Variants in MCM4 observed in about 807,000 individuals in gnomAD.
MCM4 encodes the protein DNA replication licensing factor MCM4.
A neutral mutation model predicts 88.7 loss-of-function variants in MCM4; 60 were observed. The ratio of observed to expected loss-of-function variants is 0.68; its 90% CI spans 0.55 to 0.84. The LOEUF (loss-of-function observed/expected upper bound fraction) is 0.84. Ranked by LOEUF, MCM4 falls within the 40% of genes least tolerant of loss-of-function variation. The pLI is 0.00. For missense variants in MCM4, 1,149 were observed against 1,105.5 expected, an observed-to-expected ratio of 1.04 and a Z score of -0.56; for synonymous variants, 465 against 410.5, an observed-to-expected ratio of 1.13 and a Z score of -1.61.
intron 15 of MCM4, 99 bp downstream of exon 15, chr8:47,975,061 CAG>C (rs2090989814): frequency 1.0e-6 from 1 of 997,458 alleles, no homozygotes; most frequent in African/African-American, 1.6e-5. Context: ...TCATTTGAAA[CAG>C]AAGTTCTTAA....
intron 12 of MCM4, 73 bp from the exon 13 acceptor site, chr8:47,971,268 G>A: frequency 1.3e-6 from 2 of 1,578,460 alleles, no homozygotes; most frequent in South Asian, 2.2e-5. Context: ...TTAGTAGGTG[G>A]CCGGGCGAAG....
In MCM4 at chr8:47,970,817, G is replaced by C. The variant is rs769946533; in HGVS notation, c.1741G>C (p.Glu581Gln). Residue 581 changes from glutamate (E) to glutamine (Q), a missense_variant, in exon 12 of 17, where the codon GAA becomes CAA. By Grantham distance (29) the Glu-to-Gln change is conservative. Coordinates refer to ENST00000649973, the MANE Select transcript of MCM4 (RefSeq NM_182746.3). ...CCIDEFDKMNESTRSVLHEVM... is the reference protein window; with the variant it reads ...CCIDEFDKMNQSTRSVLHEVM... Reference sequence around the variant, plus strand: ...TATCGATGAGTTCGACAAGATGAATGAAAGTACAAGATCGGTATTGCATGA... The same window carrying C: ...TATCGATGAGTTCGACAAGATGAATCAAAGTACAAGATCGGTATTGCATGA... The C allele has an allele frequency of 1.9e-6, 3 of 1,613,448 alleles. No individual in the cohort carries two copies. The highest frequency in any genetic ancestry group is 1.7e-5 in the Admixed American group (1 of 60,008).
rs746611048 is a variant in MCM4 at position 47,962,304 on chromosome 8, G to GGCA, written c.407_409dup (p.Ala136dup). The GGCA allele has an allele frequency of 3.7e-6, 6 of 1,614,036 alleles. No homozygotes were observed. The highest frequency in any genetic ancestry group is 5.1e-6 in the Non-Finnish European group (6 of 1,180,034). On this transcript the variant is annotated inframe_insertion and splice_region_variant. Coordinates refer to ENST00000649973, the MANE Select transcript of MCM4 (RefSeq NM_182746.3). The stretch of plus-strand genomic sequence containing the variant: ...TGATTCTGTCATGTTTTTCTGTGTA[G>GGCA]GCAGCAGCAGAAGATATAGTGGCAA...
chr8:47,966,037 G>A (rs1411294813), intron 8 of MCM4, 150 bp from the exon 9 acceptor site: 1 of 634,362 alleles, frequency 1.6e-6, no homozygotes, highest in Non-Finnish European at 2.8e-6. Context: ...GGGCTTGAGA[G>A]TCTCCTGAAG....
At chr8:47,970,392 C>T (rs1017758397) in intron 11 of MCM4, 119 bp from the exon 12 acceptor site, 1 of 1,323,604 alleles carries the variant, frequency 7.6e-7, no homozygotes, top group Non-Finnish European at 1.0e-6. Flanking sequence ...CTTTTTATAC[C>T]TTCCTGTGAT....
intron 15 of MCM4, 53 bp from the exon 16 acceptor site, chr8:47,975,662 G>A (rs1488503892): frequency 4.3e-6 from 6 of 1,381,454 alleles, no homozygotes; most frequent in East Asian, 2.6e-5. Context: ...AGAATTTGAA[G>A]CATTTCATTT....
intron 2 of MCM4, 68 bp downstream of exon 2, chr8:47,961,282 G>C (rs1442483890): frequency 9.1e-6 from 13 of 1,425,754 alleles, no homozygotes; most frequent in Non-Finnish European, 9.1e-7. Context: ...GCCGCAGCTG[G>C]CAGCGCTGGG....
chr8:47,973,088 A>C, intron 14 of MCM4, 24 bp downstream of exon 14: 1 of 1,598,362 alleles, frequency 6.3e-7, no homozygotes, highest in Non-Finnish European at 8.5e-7. Context: ...AAAAAGGCTT[A>C]CTGTGCCTGT....
chr8:47,975,139 A>C (rs892582048), intron 15 of MCM4, among the ~76,000 whole-genome samples, 177 bp downstream of exon 15: 1 of 152,120 alleles, frequency 6.6e-6, no homozygotes, highest in Non-Finnish European at 1.5e-5. Context: ...ATCTTGATAA[A>C]AATATTGATT....
chr8:47,972,311 C>G (rs1385113298), intron 13 of MCM4, among the ~76,000 whole-genome samples: 1 of 151,226 alleles, frequency 6.6e-6, no homozygotes, highest in Admixed American at 6.6e-5. Flanking sequence ...CTTCCTTTGA[C>G]TCAGCTGATT....
intron 14 of MCM4, chr8:47,974,521 T>A (rs1219530910): frequency 9.4e-6 from 5 of 531,040 alleles, no homozygotes; most frequent in Non-Finnish European, 1.7e-5. Flanking sequence ...TTGGAATATG[T>A]TCACCCACCA....
rs199504131 is a variant in MCM4 at position 47,970,572 on chromosome 8, A to C, written c.1496A>C (p.Lys499Thr). 5 of 1,613,818 alleles carry C rather than the reference A, an allele frequency of 3.1e-6. No homozygotes were observed. The highest frequency in any genetic ancestry group is 1.7e-5 in the Admixed American group (1 of 59,988). Reference protein sequence around the residue: ...RKDFSHTGRGKFRAEINILLC... With the variant: ...RKDFSHTGRGTFRAEINILLC... ...GATTTTAGTCACACTGGAAGGGGCA[A>C]ATTTCGGGCTGAGATCAACATCTTG... is the stretch of plus-strand genomic sequence containing the variant. The change falls in exon 12 of 17, where the codon AAA (lysine) becomes ACA (threonine). Residue 499 changes from lysine to threonine, a missense_variant. Lys to Thr is a moderately conservative substitution (Grantham distance 78). Transcript: ENST00000649973.
rs17287604 is a variant in MCM4 at position 47,965,596 on chromosome 8, C to T, written c.833-591C>T. On this transcript the variant is annotated intron_variant, in intron 8 of 16. Coordinates refer to ENST00000649973, the MANE Select transcript of MCM4 (RefSeq NM_182746.3). Reference sequence around the variant, plus strand: ...TGAAACCAGCAGGGGAAATTAGTTGCGGGCAGTGGGACCTTCAAAGGGAAA... The same window carrying T: ...TGAAACCAGCAGGGGAAATTAGTTGTGGGCAGTGGGACCTTCAAAGGGAAA... Among the ~76,000 whole-genome samples, 764 of 152,182 alleles carry T rather than the reference C, an allele frequency of 5.0e-3. 6 individuals carry two copies. The East Asian group carries it at 0.057, about 11-fold the overall frequency.
At position 47,971,336 on chromosome 8, in the gene MCM4, G is replaced by C. The variant is rs779909685; in HGVS notation, c.1801-5G>C. The C allele has an allele frequency of 3.7e-6, 6 of 1,614,144 alleles. No homozygotes were observed. Among genetic ancestry groups the C allele is most frequent in the Non-Finnish European group, 3.4e-6 (4 of 1,180,034 alleles). ...GGCTTCTAACTGCACTCTTTGCTCT[G>C]ATAGGCTGGGATCATCTGTCAGCTC... On this transcript the variant is annotated splice_polypyrimidine_tract_variant and splice_region_variant and intron_variant, in intron 12 of 16. Coordinates refer to ENST00000649973, the MANE Select transcript of MCM4 (RefSeq NM_182746.3).
chr8:47,970,907 C>A, intron 12 of MCM4, 31 bp downstream of exon 12: 1 of 1,551,976 alleles, frequency 6.4e-7, no homozygotes, highest in South Asian at 1.2e-5. Flanking sequence ...TGAACATGGA[C>A]GTGTTTAAAA....
At chr8:47,963,921 T>C (rs915796179) in intron 7 of MCM4, among the ~76,000 whole-genome samples, 1 of 152,204 alleles carries the variant, frequency 6.6e-6, no homozygotes, top group African/African-American at 2.4e-5. Context: ...TGAATAAATA[T>C]GATTTAACTT....
intron 10 of MCM4, 131 bp downstream of exon 10, chr8:47,967,616 T>TG: frequency 8.4e-7 from 1 of 1,192,490 alleles, no homozygotes; most frequent in South Asian, 1.4e-5. Flanking sequence ...TTTGAGACTG[T>TG]GGGGTATATC....
At position 47,962,859 on chromosome 8, in the gene MCM4, G is replaced by C; in HGVS notation, c.597G>C (p.Glu199Asp). Residue 199 changes from glutamate to aspartate, a missense_variant and splice_region_variant, in exon 6 of 17, where the codon GAG becomes GAC. Transcript: ENST00000649973. ...TEPLYMQRLG[E>D]INVIGEPFLN... is the part of the protein sequence containing the mutation. ...CTCTATACATGCAACGACTTGGGGA[G>C]GTAATCAAATACTCTTTAAATTCAA... is the stretch of plus-strand genomic sequence containing the variant. The C allele has an allele frequency of 6.3e-7, 1 of 1,596,636 alleles. No individual in the cohort carries two copies. Among genetic ancestry groups the C allele is most frequent in the Non-Finnish European group, 8.5e-7 (1 of 1,172,716 alleles).
chr8:47,964,651 G>C lies in MCM4; in HGVS notation c.771G>C (p.Gln257His), dbSNP rs1467298258. The C allele has an allele frequency of 6.2e-7, 1 of 1,607,380 alleles. No individual in the cohort carries two copies. The highest frequency in any genetic ancestry group is 1.3e-5 in the African/African-American group (1 of 74,846). ...ACCCTGACTCAATCTTAGAACATCAGATTCAAGTAAGACCATTCAACGCAT... is the reference window on the plus strand; with the variant it reads ...ACCCTGACTCAATCTTAGAACATCACATTCAAGTAAGACCATTCAACGCAT... ...DRYPDSILEHQIQVRPFNALK... is the reference protein window; with the variant it reads ...DRYPDSILEHHIQVRPFNALK... The change falls in exon 8 of 17, where the codon CAG becomes CAC. Residue 257 changes from glutamine (Q) to histidine (H), a missense_variant. This residue lies in a region of MCM4 where 906 missense variants were observed against 843.0 expected (regional missense o/e 1.07). Transcript: ENST00000649973.
Sources: gnomAD v4.1 joint callset for allele counts (sites outside exome capture counted in the v4.1 genomes callset) on GRCh38, gnomAD v4.1.1 for gene constraint, gnomAD v4.1.1 regional missense constraint, MANE v1.5 for transcripts, NCBI Gene and HGNC (gene_info 2026-07-23, HGNC 2026-07-21) for gene names.